Variants in PRR5L observed in about 807,000 individuals in gnomAD.
PRR5L encodes the protein proline-rich protein 5-like.
PRR5L carries 21 observed loss-of-function variants against 36.4 expected under a neutral mutation model. That is an observed-to-expected ratio of 0.58 (90% CI 0.41 to 0.83). PRR5L has a LOEUF of 0.83. PRR5L is among the 40% of genes least tolerant of loss of function. The probability of loss-of-function intolerance (pLI) is 0.00; values close to 1 mark genes in which losing one functional copy is unlikely to be tolerated. For synonymous variants in PRR5L, 188 were observed against 197.0 expected (o/e 0.95, Z 0.38); for missense variants, 381 against 473.3 (o/e 0.80, Z 1.81).
intron 1 of PRR5L, among the ~76,000 whole-genome samples, chr11:36,397,274 C>T (rs1857682485): frequency 1.3e-5 from 2 of 150,984 alleles, no homozygotes; most frequent in African/African-American, 4.9e-5. Context: ...CCGTGTTGGT[C>T]AGTCTGATTT....
chr11:36,354,117 G>C (rs1042822749), intron 1 of PRR5L, among the ~76,000 whole-genome samples: 2 of 152,142 alleles, frequency 1.3e-5, no homozygotes, highest in African/African-American at 4.8e-5. Flanking sequence ...ACTATTACTT[G>C]GGCAAATTAC....
rs75767916 is a variant in PRR5L at position 36,464,297 on chromosome 11, A to G, written c.*1561A>G. The G allele has an allele frequency of 0.14, 21,265 of 152,212 alleles. 1,573 individuals carry two copies. The highest frequency in any genetic ancestry group is 0.17 in the African/African-American group (6,877 of 41,524). The allele number at this position is 152,212 out of a possible 1,614,324, so 9.4% of individuals were successfully genotyped here. A position where few individuals can be genotyped will look rare whatever the true frequency, so the allele number is the denominator to read the frequency against. On this transcript the variant is annotated 3_prime_UTR_variant, in exon 9 of 9. Transcript: ENST00000530639. ...AATATGGCAAGAGGGTGCTGGGAGA[A>G]GGTGAAGATCAGTCTAAGCTGCCAC...
intron 8 of PRR5L, among the ~76,000 whole-genome samples, chr11:36,455,822 C>T (rs1052955626): frequency 5.3e-5 from 8 of 152,190 alleles, no homozygotes; most frequent in East Asian, 1.9e-4. Flanking sequence ...ACACAGCTGA[C>T]GCACTTGTCT....
intron 8 of PRR5L, chr11:36,454,563 T>TA (rs56000453): frequency 0.99 from 151,027 of 152,298 alleles, 74,894 homozygotes; most frequent in East Asian, 1. Flanking sequence ...CAGCGGAGGG[T>TA]GTGGGGGCCA....
At chr11:36,356,097 A>C (rs887934756) in intron 1 of PRR5L, among the ~76,000 whole-genome samples, 1 of 151,260 alleles carries the variant, frequency 6.6e-6, no homozygotes, top group African/African-American at 2.4e-5. Flanking sequence ...TTTTTTGTAG[A>C]GTCTAGGTTT....
Position 36,373,861 on chromosome 11 carries a change from T to C in PRR5L, c.-125-27136T>C, listed in dbSNP as rs188583228. On this transcript the variant is annotated intron_variant, in intron 1 of 8. Coordinates refer to ENST00000530639, the MANE Select transcript of PRR5L (RefSeq NM_001160167.2). Reference sequence around the variant, plus strand: ...CCCACCATAGGCAATCAGTACAGCATACGCTAAATAAGTTCATTTCTATGT... The same window carrying C: ...CCCACCATAGGCAATCAGTACAGCACACGCTAAATAAGTTCATTTCTATGT... 1.4e-3 allele frequency among the ~76,000 whole-genome samples: 212 copies of C among 152,268 alleles called. 1 individual carries two copies. The highest frequency in any genetic ancestry group is 3.4e-3 in the Middle Eastern group (1 of 294).
At chr11:36,313,851 T>C (rs528900072) in intron 1 of PRR5L, among the ~76,000 whole-genome samples, 1 of 152,326 alleles carries the variant, frequency 6.6e-6, no homozygotes, top group South Asian at 2.1e-4. Flanking sequence ...TGCTGATTTC[T>C]CCTCAGTCCA....
At chr11:36,446,535 G>C in intron 7 of PRR5L, 95 bp downstream of exon 7, 1 of 1,472,880 alleles carries the variant, frequency 6.8e-7, no homozygotes, top group Non-Finnish European at 9.3e-7. Flanking sequence ...CTAGTGACCA[G>C]AGCACCTTAG....
At chr11:36,398,245 T>G (rs962920883) in intron 1 of PRR5L, among the ~76,000 whole-genome samples, 8 of 152,204 alleles carry the variant, frequency 5.3e-5, no homozygotes, top group African/African-American at 1.9e-4. Flanking sequence ...TTGGATGTGT[T>G]TCTTTGCTTC....
intron 1 of PRR5L, among the ~76,000 whole-genome samples, chr11:36,358,423 A>G (rs1857051120): frequency 6.6e-6 from 1 of 152,308 alleles, no homozygotes; most frequent in Non-Finnish European, 1.5e-5. Flanking sequence ...CACCAGCAAA[A>G]AAGATTACTA....
intron 1 of PRR5L, among the ~76,000 whole-genome samples, chr11:36,333,264 G>A (rs533144870): frequency 6.6e-6 from 1 of 152,256 alleles, no homozygotes; most frequent in South Asian, 2.1e-4. Flanking sequence ...GGAGCAAATG[G>A]CACTCCTATT....
At chr11:36,330,068 G>A (rs1222523740) in intron 1 of PRR5L, among the ~76,000 whole-genome samples, 2 of 152,118 alleles carry the variant, frequency 1.3e-5, no homozygotes, top group African/African-American at 2.4e-5. Context: ...TTGTTTCAAG[G>A]GGAAGAGATT....
At chr11:36,431,941 G>T (rs1226507205) in intron 5 of PRR5L, 31 bp downstream of exon 5, 2 of 1,593,738 alleles carry the variant, frequency 1.3e-6, no homozygotes, top group Admixed American at 3.3e-5. Flanking sequence ...GTAGACTGGG[G>T]CCTCTGTGAC....
chr11:36,394,206 C>A (rs1857613304), intron 1 of PRR5L, among the ~76,000 whole-genome samples: 1 of 152,182 alleles, frequency 6.6e-6, no homozygotes, highest in South Asian at 2.1e-4. Context: ...TCTTGCAAAT[C>A]CTAAATCACC....
chr11:36,296,770 T>C (rs937192606), intron 1 of PRR5L, among the ~76,000 whole-genome samples: 1 of 152,234 alleles, frequency 6.6e-6, no homozygotes, highest in African/African-American at 2.4e-5. Flanking sequence ...GTATTGCATA[T>C]GTATACCTAT....
At chr11:36,459,812 C>G (rs1457241318) in intron 8 of PRR5L, among the ~76,000 whole-genome samples, 1 of 152,204 alleles carries the variant, frequency 6.6e-6, no homozygotes, top group Non-Finnish European at 1.5e-5. Context: ...CATAGGTGTA[C>G]ACACGGGAAT....
At chr11:36,387,256 C>A (rs910342134) in intron 1 of PRR5L, among the ~76,000 whole-genome samples, 1 of 151,936 alleles carries the variant, frequency 6.6e-6, no homozygotes, top group Non-Finnish European at 1.5e-5. Context: ...CACCACACAC[C>A]GGGGCCTGTC....
chr11:36,458,573 T>C (rs1413350822), intron 8 of PRR5L, among the ~76,000 whole-genome samples: 1 of 152,242 alleles, frequency 6.6e-6, no homozygotes, highest in Non-Finnish European at 1.5e-5. Context: ...TCATTATTTA[T>C]ACACACACAC....
chr11:36,303,446 A>G (rs1373693775), intron 1 of PRR5L, among the ~76,000 whole-genome samples: 1 of 152,218 alleles, frequency 6.6e-6, no homozygotes, highest in Non-Finnish European at 1.5e-5. Context: ...CATCCCCTTC[A>G]ACTGTGAGGA....
Sources: gnomAD v4.1 joint callset for allele counts (sites outside exome capture counted in the v4.1 genomes callset) on GRCh38, gnomAD v4.1.1 for gene constraint, MANE v1.5 for transcripts, NCBI Gene and HGNC (gene_info 2026-07-23, HGNC 2026-07-21) for gene names.